The following PRKAR1B variants were observed in gnomAD, a reference collection of about 807,000 sequenced individuals.
PRKAR1B encodes cAMP-dependent protein kinase type I-beta regulatory subunit.
Under a neutral mutation model 46.5 loss-of-function variants are expected in PRKAR1B, and 22 were observed. That is an observed-to-expected ratio of 0.47 (90% confidence interval 0.34 to 0.68). The LOEUF (loss-of-function observed/expected upper bound fraction) is 0.68. Ranked by LOEUF, PRKAR1B falls within the 30% of genes least tolerant of loss-of-function variation. PRKAR1B has a pLI of 0.01. For missense variants in PRKAR1B, 445 were observed against 535.6 expected (o/e 0.83, Z 1.67); for synonymous variants, 259 against 217.7 (o/e 1.19, Z -1.67).
chr7:628,038 G>A (rs1453383424), intron 4 of PRKAR1B, among the ~76,000 whole-genome samples: 1 of 152,126 alleles, frequency 6.6e-6, no homozygotes, highest in Non-Finnish European at 1.5e-5. Flanking sequence ...ACAGCGGTGG[G>A]GGGAGTGGGA....
intron 7 of PRKAR1B, among the ~76,000 whole-genome samples, chr7:585,253 G>A (rs143128418): frequency 0.02 from 3,093 of 152,234 alleles, 40 homozygotes; most frequent in Middle Eastern, 0.054. Context: ...AAACAGGAAC[G>A]AGGCCCCTGC....
intron 4 of PRKAR1B, among the ~76,000 whole-genome samples, chr7:636,038 A>G (rs1237173397): frequency 4.2e-4 from 11 of 26,420 alleles, no homozygotes; most frequent in South Asian, 1.9e-3. Flanking sequence ...CCGCGCCCAC[A>G]CGTCCTCCAC....
intron 4 of PRKAR1B, among the ~76,000 whole-genome samples, chr7:660,746 G>A (rs1233271609): frequency 3.9e-4 from 34 of 87,216 alleles, no homozygotes; most frequent in East Asian, 7.5e-4. Context: ...ACCCCAACGG[G>A]TCCAAATACC....
chr7:695,570 A>T lies in PRKAR1B; in HGVS notation c.178-14844T>A, dbSNP rs577743094. On this transcript the variant is annotated intron_variant, in intron 2 of 10. Transcript: ENST00000537384. ...CAAGTGAGATGGGCGAGGTCACAAG[A>T]CAGAGCCCACTGGAGTCTGCAAGCT... Among the ~76,000 whole-genome samples the T allele has an allele frequency of 5.3e-5, 8 of 152,314 alleles. No homozygotes were observed. The South Asian group carries it at 1.7e-3, about 32-fold the overall frequency.
intron 6 of PRKAR1B, chr7:603,157 G>A (rs1009448140): frequency 4.6e-5 from 7 of 152,254 alleles, no homozygotes; most frequent in African/African-American, 1.7e-4. Flanking sequence ...AGATGCCTTT[G>A]GAATTTAACT....
intron 2 of PRKAR1B, among the ~76,000 whole-genome samples, chr7:681,114 C>T (rs1481477232): frequency 6.6e-6 from 1 of 151,926 alleles, no homozygotes; most frequent in Non-Finnish European, 1.5e-5. Flanking sequence ...CCAAGGGACT[C>T]CTCCCCCTTC....
At chr7:574,894 C>T (rs764448420) in intron 9 of PRKAR1B, among the ~76,000 whole-genome samples, 12 of 152,256 alleles carry the variant, frequency 7.9e-5, no homozygotes, top group Non-Finnish European at 1.2e-4. Context: ...GGTTGTAAAA[C>T]CTAGAGCAAC....
intron 4 of PRKAR1B, among the ~76,000 whole-genome samples, chr7:610,803 G>A (rs1490073020): frequency 6.6e-6 from 1 of 152,206 alleles, no homozygotes; most frequent in Admixed American, 6.5e-5. Context: ...TTCTCATCCA[G>A]CAGTCACTCT....
intron 9 of PRKAR1B, among the ~76,000 whole-genome samples, chr7:555,724 G>A (rs900093289): frequency 6.6e-6 from 1 of 152,186 alleles, no homozygotes; most frequent in African/African-American, 2.4e-5. Context: ...GAGAGGTTGA[G>A]CAACTTGGCC....
At chr7:563,757 G>A (rs1778960065) in intron 9 of PRKAR1B, among the ~76,000 whole-genome samples, 2 of 151,840 alleles carry the variant, frequency 1.3e-5, no homozygotes, top group South Asian at 4.2e-4. Context: ...ACGTGTGTGT[G>A]CTCAGGTGTG....
chr7:555,010 G>A lies in PRKAR1B; in HGVS notation c.892-3540C>T, dbSNP rs545911462. Among the ~76,000 whole-genome samples, 53 of 152,264 alleles carry A rather than the reference G, an allele frequency of 3.5e-4. 2 individuals are homozygous for A. The highest frequency in any genetic ancestry group is 2.5e-3 in the Admixed American group (38 of 15,306). Reference sequence around the variant, plus strand: ...GGGGCACAGAGGCTGCCGTGGCTCCGGGAGTCACCACAGGCCACCCCTACA... The same window carrying A: ...GGGGCACAGAGGCTGCCGTGGCTCCAGGAGTCACCACAGGCCACCCCTACA... On this transcript the variant is annotated intron_variant, in intron 9 of 10. Transcript: ENST00000537384.
intron 4 of PRKAR1B, among the ~76,000 whole-genome samples, chr7:627,350 G>C (rs1244702718): frequency 6.6e-6 from 1 of 151,876 alleles, no homozygotes; most frequent in Non-Finnish European, 1.5e-5. Context: ...GAGGGATCCA[G>C]GGTTCCCTAA....
At chr7:649,301 G>C (rs533358042) in intron 4 of PRKAR1B, among the ~76,000 whole-genome samples, 10 of 152,086 alleles carry the variant, frequency 6.6e-5, no homozygotes, top group Admixed American at 6.5e-4. Context: ...AATTTAAAAC[G>C]TATCTTAATA....
At position 551,371 on chromosome 7, in the gene PRKAR1B, G is replaced by A. The variant is rs1449778362; in HGVS notation, c.973+18C>T. The A allele has an allele frequency of 4.5e-6, 7 of 1,550,748 alleles. No individual in the cohort carries two copies. The highest frequency in any genetic ancestry group is 5.2e-6 in the Non-Finnish European group (6 of 1,146,938). On this transcript the variant is annotated intron_variant, in intron 10 of 10. Transcript: ENST00000537384. ...ATGGCCACAGCCGTGCGAGGGAGGG[G>A]ACGCCCACTGGACTCACCGAAGTAG...
intron 4 of PRKAR1B, among the ~76,000 whole-genome samples, chr7:674,848 C>A (rs543468241): frequency 2.0e-5 from 3 of 152,348 alleles, no homozygotes; most frequent in South Asian, 4.1e-4. Context: ...CCCAAAGTAT[C>A]CAGCCTGAAC....
intron 9 of PRKAR1B, among the ~76,000 whole-genome samples, chr7:568,899 A>G (rs1779331524): frequency 6.6e-6 from 1 of 151,698 alleles, no homozygotes; most frequent in Non-Finnish European, 1.5e-5. Flanking sequence ...CGGGTGGGAA[A>G]CAAGATCTGG....
intron 4 of PRKAR1B, among the ~76,000 whole-genome samples, chr7:609,471 C>T (rs1022169369): frequency 1.8e-4 from 28 of 152,308 alleles, no homozygotes; most frequent in African/African-American, 6.7e-4. Context: ...AGCTGCGGCT[C>T]CAGCCTCCTC....
chr7:656,100 G>A (rs1785170144), intron 4 of PRKAR1B, among the ~76,000 whole-genome samples: 1 of 152,230 alleles, frequency 6.6e-6, no homozygotes, highest in Non-Finnish European at 1.5e-5. Flanking sequence ...ACGATTTCCA[G>A]CACTGGGCAC....
rs374588716 is a variant in PRKAR1B, at chr7:620,804, G to A, written c.441-13352C>T. ...ATTTTTCTTTCTTTATAGCATTGCC[G>A]GGACCTCCCAAGCACAGTTAAACCA... On this transcript the variant is annotated intron_variant, in intron 4 of 10. Coordinates refer to ENST00000537384, the MANE Select transcript of PRKAR1B (RefSeq NM_001164760.2). Among the ~76,000 whole-genome samples, 35 of 152,114 alleles carry A rather than the reference G, an allele frequency of 2.3e-4. No individual in the cohort carries two copies. The East Asian group carries it at 3.3e-3, about 14-fold the overall frequency.
Sources: gnomAD v4.1 joint callset for allele counts (sites outside exome capture counted in the v4.1 genomes callset) on GRCh38, gnomAD v4.1.1 for gene constraint, MANE v1.5 for transcripts, NCBI Gene and HGNC (gene_info 2026-07-23, HGNC 2026-07-21) for gene names.